The following SORCS3 variants were observed in gnomAD, a reference collection of about 807,000 sequenced individuals.
SORCS3 encodes the protein sortilin related VPS10 domain containing receptor 3.
SORCS3 carries 57 observed loss-of-function variants against 146.3 expected under a neutral mutation model. The ratio of observed to expected loss-of-function variants is 0.39; its 90% CI spans 0.31 to 0.49. The LOEUF (loss-of-function observed/expected upper bound fraction) is 0.49. SORCS3 is among the 20% of genes least tolerant of loss of function. The pLI is 0.92. For synonymous variants in SORCS3, 653 were observed against 618.5 expected (o/e 1.06, Z -0.83); for missense variants, 1,341 against 1,575.5 (o/e 0.85, Z 2.52).
At position 104,886,555 on chromosome 10, in the gene SORCS3, CATCTATCTATCT is replaced by C. The variant is rs55977539; in HGVS notation, c.696-29236_696-29225del. The stretch of plus-strand genomic sequence containing the variant: ...TTGTGTATATAATATATAACTCTAT[CATCTATCTATCT>C]ATCTATCTATCTATCTATCTATCTA... On this transcript the variant is annotated intron_variant, in intron 2 of 26. Coordinates refer to ENST00000369701, the MANE Select transcript of SORCS3 (RefSeq NM_014978.3). Among the ~76,000 whole-genome samples, 699 of 127,004 alleles carry C rather than the reference CATCTATCTATCT, an allele frequency of 5.5e-3. 4 individuals carry two copies. Among genetic ancestry groups the C allele is most frequent in the Middle Eastern group, 0.021 (5 of 242 alleles). The allele number at this position is 127,004 out of a possible 152,430, so 83.3% of individuals were successfully genotyped here.
At chr10:104,847,544 G>T (rs1335390941) in intron 2 of SORCS3, among the ~76,000 whole-genome samples, 2 of 152,192 alleles carry the variant, frequency 1.3e-5, no homozygotes, top group East Asian at 3.9e-4. Flanking sequence ...AACTTCAGGT[G>T]TGAGGTCACC....
intron 1 of SORCS3, among the ~76,000 whole-genome samples, chr10:104,735,509 G>A (rs2016760709): frequency 1.3e-5 from 1 of 76,092 alleles, no homozygotes; most frequent in Non-Finnish European, 2.6e-5. Context: ...AGGAGAGAAA[G>A]AAGCTTGCTC....
Position 104,643,429 on chromosome 10 carries a change from G to T in SORCS3, c.627+1475G>T, listed in dbSNP as rs930327529. Among the ~76,000 whole-genome samples the T allele has an allele frequency of 2.6e-5, 4 of 152,362 alleles. No homozygotes were observed. In the South Asian group the frequency reaches 6.2e-4, roughly 24 times the overall value. ...CAGCGCGGGCAGCCCAGCCTGGGTA[G>T]CCCATGCTGGTCTTGAAGGACCAGT... On this transcript the variant is annotated intron_variant, in intron 1 of 26. Coordinates refer to ENST00000369701, the MANE Select transcript of SORCS3 (RefSeq NM_014978.3).
intron 1 of SORCS3, among the ~76,000 whole-genome samples, chr10:104,739,887 T>G (rs1315855235): frequency 6.6e-6 from 1 of 152,226 alleles, no homozygotes; most frequent in Non-Finnish European, 1.5e-5. Context: ...TTCTGGGTGC[T>G]AATTTTCAGG....
At chr10:105,262,824 A>G (rs2056969977) in intron 26 of SORCS3, among the ~76,000 whole-genome samples, 1 of 152,240 alleles carries the variant, frequency 6.6e-6, no homozygotes. Context: ...GGAATCTGGC[A>G]TCAGATAGCC....
intron 20 of SORCS3, among the ~76,000 whole-genome samples, chr10:105,234,738 TTC>T (rs2056783481): frequency 6.6e-6 from 1 of 152,028 alleles, no homozygotes; most frequent in Non-Finnish European, 1.5e-5. Flanking sequence ...ATTTTCAACT[TTC>T]TGTTTACATT....
intron 4 of SORCS3, among the ~76,000 whole-genome samples, chr10:105,020,444 G>A (rs759635357): frequency 6.6e-6 from 1 of 152,048 alleles, no homozygotes; most frequent in Non-Finnish European, 1.5e-5. Context: ...TATGACATAG[G>A]TGTGTCATCG....
intron 1 of SORCS3, among the ~76,000 whole-genome samples, chr10:104,708,247 C>T (rs2016370360): frequency 6.6e-6 from 1 of 152,156 alleles, no homozygotes; most frequent in Non-Finnish European, 1.5e-5. Flanking sequence ...GGAACATTAG[C>T]AGCAATTAGA....
At chr10:104,850,544 A>G (rs2018264113) in intron 2 of SORCS3, among the ~76,000 whole-genome samples, 1 of 152,206 alleles carries the variant, frequency 6.6e-6, no homozygotes, top group Admixed American at 6.5e-5. Flanking sequence ...GAGATCAGCT[A>G]CTGCACTCCA....
chr10:104,740,436 G>A (rs559590154), intron 1 of SORCS3, among the ~76,000 whole-genome samples: 1 of 152,186 alleles, frequency 6.6e-6, no homozygotes, highest in African/African-American at 2.4e-5. Context: ...GTACTGTTTC[G>A]ACGCACCTCC....
rs1564661137 is a variant in SORCS3 at position 104,696,334 on chromosome 10, TG to T, written c.627+54381del. ...ATATGATATATATCATATACACATA[TG>T]ATATATGATATATATCATATATATA... On this transcript the variant is annotated intron_variant, in intron 1 of 26. Coordinates refer to ENST00000369701, the MANE Select transcript of SORCS3 (RefSeq NM_014978.3). Among the ~76,000 whole-genome samples the T allele has an allele frequency of 2.7e-4, 14 of 52,424 alleles. 2 individuals carry two copies. The highest frequency in any genetic ancestry group is 4.4e-4 in the African/African-American group (5 of 11,458). 34.4% of individuals were successfully genotyped at this position (52,424 alleles called of 152,430 possible). A position where few individuals can be genotyped will look rare whatever the true frequency, so the allele number is the denominator to read the frequency against.
chr10:104,976,281 A>G (rs1301614577), intron 3 of SORCS3, among the ~76,000 whole-genome samples: 1 of 152,246 alleles, frequency 6.6e-6, no homozygotes, highest in Non-Finnish European at 1.5e-5. Context: ...AAAAGGAGAC[A>G]TTTATGCAGC....
At chr10:105,181,558 A>G (rs2056443075) in intron 14 of SORCS3, among the ~76,000 whole-genome samples, 1 of 152,132 alleles carries the variant, frequency 6.6e-6, no homozygotes, top group African/African-American at 2.4e-5. Context: ...CATTTCTAAC[A>G]CCGTAGCTTT....
chr10:104,657,095 C>T (rs1390591354), intron 1 of SORCS3, among the ~76,000 whole-genome samples: 1 of 152,148 alleles, frequency 6.6e-6, no homozygotes, highest in African/African-American at 2.4e-5. Flanking sequence ...TATCAAGAAG[C>T]ATGTGTGTTT....
At chr10:104,905,423 C>T (rs182493123) in intron 2 of SORCS3, among the ~76,000 whole-genome samples, 32 of 152,282 alleles carry the variant, frequency 2.1e-4, no homozygotes, top group Admixed American at 4.6e-4. Flanking sequence ...ACTGGTAAAA[C>T]TGGTCCAGCA....
At chr10:104,657,043 A>G (rs1393970828) in intron 1 of SORCS3, among the ~76,000 whole-genome samples, 1 of 152,196 alleles carries the variant, frequency 6.6e-6, no homozygotes, top group East Asian at 1.9e-4. Context: ...GCTTTGGCCA[A>G]TAGAGAGTTG....
intron 2 of SORCS3, among the ~76,000 whole-genome samples, chr10:104,866,255 G>A (rs758398654): frequency 9.8e-5 from 15 of 152,338 alleles, no homozygotes; most frequent in South Asian, 8.3e-4. Context: ...TGACTATTAT[G>A]TTGGAAAGCT....
chr10:105,072,844 TCCCTTGGGAAGAC>T (rs1420333300), intron 5 of SORCS3, among the ~76,000 whole-genome samples: 2 of 152,066 alleles, frequency 1.3e-5, no homozygotes, highest in Non-Finnish European at 2.9e-5. Context: ...GGACTGATGA[TCCCTTGGGAAGAC>T]CACAAACACT....
intron 2 of SORCS3, among the ~76,000 whole-genome samples, 199 bp downstream of exon 2, chr10:104,843,058 T>C (rs1253640266): frequency 6.6e-6 from 1 of 152,182 alleles, no homozygotes; most frequent in Non-Finnish European, 1.5e-5. Context: ...TTGGGACCTG[T>C]TGCAAATACA....
Sources: allele counts gnomAD v4.1 joint callset (sites outside exome capture counted in the v4.1 genomes callset), GRCh38; gene constraint gnomAD v4.1.1; transcripts MANE v1.5; gene names NCBI Gene and HGNC (gene_info 2026-07-23, HGNC 2026-07-21).